PKP4: variants seen among roughly 807,000 people sequenced by gnomAD.
The protein encoded by PKP4 is plakophilin-4.
A neutral mutation model predicts 145.1 loss-of-function variants in PKP4; 90 were observed. The observed-to-expected ratio is 0.62, with a 90% CI of 0.52 to 0.74. The LOEUF (loss-of-function observed/expected upper bound fraction) is 0.74. Ranked by LOEUF, PKP4 falls within the 30% of genes least tolerant of loss-of-function variation. The probability of loss-of-function intolerance (pLI) is 0.00; values close to 1 mark genes in which losing one functional copy is unlikely to be tolerated. For synonymous variants in PKP4, 563 were observed against 577.2 expected (o/e 0.98, Z 0.35); for missense variants, 1,340 against 1,482.7 (o/e 0.90, Z 1.58).
Position 158,669,422 on chromosome 2 carries a change from C to T in PKP4, c.2729-298C>T, listed in dbSNP as rs1212381452. 2.2e-5 allele frequency: 5 copies of T among 222,544 alleles called. No individual in the cohort carries two copies. In the East Asian group the frequency reaches 4.4e-4, roughly 20 times the overall value. 13.8% of individuals were successfully genotyped at this position (222,544 alleles called of 1,614,324 possible). A position where few individuals can be genotyped will look rare whatever the true frequency, so the allele number is the denominator to read the frequency against. On this transcript the variant is annotated intron_variant, in intron 16 of 21. Transcript: ENST00000389759. Reference sequence around the variant, plus strand: ...CTCAATGTTACTGAAAATACTCGAACGAAAGTAACTTGATTTGTCTACCCA... The same window carrying T: ...CTCAATGTTACTGAAAATACTCGAATGAAAGTAACTTGATTTGTCTACCCA...
rs149218895 is a variant in PKP4, at chr2:158,571,812, C to T, written c.133-5459C>T. The stretch of plus-strand genomic sequence containing the variant: ...GAAGTATGACCTGCTTTCAGTGTTA[C>T]GTGAAAATGGTTCAAGGGACTGAGC... On this transcript the variant is annotated intron_variant, in intron 2 of 21. Transcript: ENST00000389759. Among the ~76,000 whole-genome samples the T allele has an allele frequency of 1.9e-3, 285 of 152,164 alleles. 1 individual carries two copies. Among genetic ancestry groups the T allele is most frequent in the Non-Finnish European group, 3.2e-3 (220 of 68,010 alleles).
chr2:158,502,684 A>G (rs182424231), intron 1 of PKP4, among the ~76,000 whole-genome samples: 2 of 152,302 alleles, frequency 1.3e-5, no homozygotes, highest in East Asian at 3.9e-4. Context: ...AGTCACCTTT[A>G]GGGAACTGCC....
intron 2 of PKP4, among the ~76,000 whole-genome samples, chr2:158,575,035 A>C (rs1355721425): frequency 6.6e-6 from 1 of 152,226 alleles, no homozygotes; most frequent in Non-Finnish European, 1.5e-5. Context: ...TCATTAAGGG[A>C]TTATTAGTGA....
intron 2 of PKP4, among the ~76,000 whole-genome samples, chr2:158,536,133 T>G (rs1224443653): frequency 2.0e-5 from 3 of 152,164 alleles, no homozygotes; most frequent in African/African-American, 7.2e-5. Flanking sequence ...AAAGATTCAG[T>G]GAGCCCTTTT....
At chr2:158,574,410 G>C (rs2047667963) in intron 2 of PKP4, among the ~76,000 whole-genome samples, 1 of 152,130 alleles carries the variant, frequency 6.6e-6, no homozygotes, top group South Asian at 2.1e-4. Context: ...TAACTTCATA[G>C]ATGATGTCTC....
rs374515847 is a variant in PKP4, at chr2:158,634,061, A to G, written c.1343-9A>G. On this transcript the variant is annotated splice_polypyrimidine_tract_variant and intron_variant, in intron 8 of 21. Transcript: ENST00000389759. ...CATACTAATCTTTTTCAAAATGTTG[A>G]CTTTCTAGTAGGTATTGGAAATCTA... The G allele has an allele frequency of 7.4e-5, 111 of 1,505,690 alleles. No individual in the cohort carries two copies. Among genetic ancestry groups the G allele is most frequent in the Non-Finnish European group, 9.9e-5 (107 of 1,082,302 alleles). The allele number at this position is 1,505,690 out of a possible 1,614,324, so 93.3% of individuals were successfully genotyped here.
chr2:158,613,287 G>T (rs1051409061), intron 4 of PKP4, among the ~76,000 whole-genome samples: 1 of 152,124 alleles, frequency 6.6e-6, no homozygotes, highest in African/African-American at 2.4e-5. Context: ...TATCCTGCCT[G>T]TCCTGTTCAT....
At chr2:158,650,748 C>T (rs1049273715) in intron 11 of PKP4, among the ~76,000 whole-genome samples, 1 of 152,230 alleles carries the variant, frequency 6.6e-6, no homozygotes, top group Non-Finnish European at 1.5e-5. Flanking sequence ...CACAGCTGGA[C>T]CTGAGTGAGC....
At position 158,624,920 on chromosome 2, in the gene PKP4, C is replaced by G; in HGVS notation, c.646C>G (p.Pro216Ala). 1 of 1,612,044 alleles carries G rather than the reference C, an allele frequency of 6.2e-7. No individual in the cohort carries two copies. Among genetic ancestry groups the G allele is most frequent in the African/African-American group, 1.3e-5 (1 of 75,014 alleles). ...GGCCATGAGAAGAGTTAGTTCAGTTCCATCTAGAGCACAGTCTCCTTCTTA... is the reference window on the plus strand; with the variant it reads ...GGCCATGAGAAGAGTTAGTTCAGTTGCATCTAGAGCACAGTCTCCTTCTTA... Reference protein sequence around the residue: ...NRAMRRVSSVPSRAQSPSYVI... With the variant: ...NRAMRRVSSVASRAQSPSYVI... Residue 216 changes from proline (P) to alanine (A), a missense_variant, in exon 7 of 22, where the codon CCA (proline) becomes GCA (alanine). Transcript: ENST00000389759.
chr2:158,625,571 G>T, intron 7 of PKP4, 144 bp downstream of exon 7: 1 of 645,974 alleles, frequency 1.5e-6, no homozygotes, highest in Admixed American at 3.2e-5. Flanking sequence ...AGGTTAACTT[G>T]TCTTTCAGGT....
chr2:158,673,543 T>C, intron 17 of PKP4, 134 bp from the exon 18 acceptor site: 1 of 677,762 alleles, frequency 1.5e-6, no homozygotes, highest in Middle Eastern at 4.1e-4. Context: ...CTTTGTGGTG[T>C]GTCCTGCAGT....
chr2:158,521,053 G>A (rs2042330542), intron 1 of PKP4, among the ~76,000 whole-genome samples: 1 of 152,120 alleles, frequency 6.6e-6, no homozygotes, highest in Admixed American at 6.5e-5. Flanking sequence ...ACATATTTCT[G>A]TAACTCTCCA....
At chr2:158,492,667 A>G (rs914820165) in intron 1 of PKP4, among the ~76,000 whole-genome samples, 23 of 152,166 alleles carry the variant, frequency 1.5e-4, no homozygotes, top group African/African-American at 3.9e-4. Context: ...GCCTGTTACA[A>G]TAGTATTTTT....
intron 10 of PKP4, among the ~76,000 whole-genome samples, chr2:158,642,239 G>A (rs536607214): frequency 9.4e-4 from 143 of 152,280 alleles, no homozygotes; most frequent in African/African-American, 3.3e-3. Context: ...GGCCAGGCTG[G>A]TCTTGAACTC....
intron 11 of PKP4, among the ~76,000 whole-genome samples, chr2:158,645,564 C>T (rs888384916): frequency 2.0e-5 from 3 of 152,168 alleles, no homozygotes; most frequent in East Asian, 1.9e-4. Context: ...GGGCTGCAGT[C>T]CATCGTGTGC....
chr2:158,653,872 T>C (rs1248886569), intron 11 of PKP4, among the ~76,000 whole-genome samples: 3 of 152,218 alleles, frequency 2.0e-5, no homozygotes, highest in African/African-American at 2.4e-5. Context: ...TATTCTCTAT[T>C]CATTACTTAC....
At chr2:158,469,075 A>C (rs1193711442) in intron 1 of PKP4, among the ~76,000 whole-genome samples, 1 of 150,286 alleles carries the variant, frequency 6.7e-6, no homozygotes, top group Non-Finnish European at 1.5e-5. Context: ...CACCATACCT[A>C]GCCAGAAAAT....
At position 158,477,316 on chromosome 2, in the gene PKP4, A is replaced by G. The variant is rs76706600; in HGVS notation, c.-6+20098A>G. Among the ~76,000 whole-genome samples the G allele has an allele frequency of 7.9e-3, 1,196 of 152,290 alleles. 9 individuals carry two copies. The highest frequency in any genetic ancestry group is 0.028 in the African/African-American group (1,152 of 41,554). On this transcript the variant is annotated intron_variant, in intron 1 of 21. Transcript: ENST00000389759. ...ATACCTGTATCAGAAGGCCTGGGCT[A>G]GGTACCTTGTTTCCCATCAGCTTAT...
At chr2:158,617,116 A>G (rs1270593395) in intron 4 of PKP4, among the ~76,000 whole-genome samples, 1 of 152,226 alleles carries the variant, frequency 6.6e-6, no homozygotes. Flanking sequence ...ATAGTTTTAA[A>G]TATTAGAGCA....
Sources: allele counts gnomAD v4.1 joint callset (sites outside exome capture counted in the v4.1 genomes callset), GRCh38; gene constraint gnomAD v4.1.1; transcripts MANE v1.5; gene names NCBI Gene and HGNC (gene_info 2026-07-23, HGNC 2026-07-21).